The following GRB14 variants were observed in gnomAD, a reference collection of about 807,000 sequenced individuals.
The protein encoded by GRB14 is growth factor receptor bound protein 14, also known as growth factor receptor-bound protein 14.
A neutral mutation model predicts 69.1 loss-of-function variants in GRB14; 38 were observed. The ratio of observed to expected loss-of-function variants is 0.55; its 90% CI spans 0.42 to 0.72. The LOEUF (loss-of-function observed/expected upper bound fraction) is 0.72. Ranked by LOEUF, GRB14 falls within the 30% of genes least tolerant of loss-of-function variation. The probability of loss-of-function intolerance (pLI) is 0.00; values close to 1 mark genes in which losing one functional copy is unlikely to be tolerated. For synonymous variants in GRB14, 247 were observed against 241.3 expected, an observed-to-expected ratio of 1.02 and a Z score of -0.22; for missense variants, 666 against 666.1, an observed-to-expected ratio of 1.00 and a Z score of 0.00.
At chr2:164,566,309 T>G (rs544778824) in intron 2 of GRB14, among the ~76,000 whole-genome samples, 1 of 152,204 alleles carries the variant, frequency 6.6e-6, no homozygotes, top group East Asian at 1.9e-4. Context: ...ACTCCTAAAA[T>G]AAAAGACATT....
intron 2 of GRB14, among the ~76,000 whole-genome samples, chr2:164,602,997 T>TA (rs903868206): frequency 2.4e-4 from 37 of 151,106 alleles, no homozygotes; most frequent in African/African-American, 7.8e-4. Context: ...TGTACAAAAC[T>TA]AAAAAAAAAT....
At chr2:164,549,840 G>A (rs1688485786) in intron 2 of GRB14, among the ~76,000 whole-genome samples, 1 of 149,184 alleles carries the variant, frequency 6.7e-6, no homozygotes, top group Non-Finnish European at 1.5e-5. Context: ...CTCCAGCCTA[G>A]GTGACAGAGT....
chr2:164,551,831 C>T (rs1020531752), intron 2 of GRB14, among the ~76,000 whole-genome samples: 2 of 152,096 alleles, frequency 1.3e-5, no homozygotes, highest in South Asian at 2.1e-4. Flanking sequence ...GTGTCTTAGA[C>T]TGTTTTGTGC....
In GRB14 at chr2:164,619,426, C is replaced by T. The variant is rs7595723; in HGVS notation, c.324+261G>A. 1.9e-3 allele frequency among the ~76,000 whole-genome samples: 296 copies of T among 152,288 alleles called. 1 individual carries two copies. The highest frequency in any genetic ancestry group is 6.7e-3 in the African/African-American group (277 of 41,566). ...CTATCTGGTGAATGATTATTGTTCT[C>T]AACCACTGCACTTTATATATATTCT... On this transcript the variant is annotated intron_variant, in intron 2 of 13. Transcript: ENST00000263915.
intron 2 of GRB14, among the ~76,000 whole-genome samples, chr2:164,605,873 C>T (rs1690029054): frequency 1.3e-5 from 2 of 152,140 alleles, no homozygotes; most frequent in African/African-American, 4.8e-5. Context: ...ATCCAACCCT[C>T]ATGAGAGTCA....
intron 2 of GRB14, among the ~76,000 whole-genome samples, chr2:164,567,562 T>G (rs1689008302): frequency 6.6e-6 from 1 of 152,184 alleles, no homozygotes; most frequent in South Asian, 2.1e-4. Flanking sequence ...TGCGACAGAT[T>G]TGATTCTTTA....
chr2:164,562,826 C>T (rs1688866098), intron 2 of GRB14, among the ~76,000 whole-genome samples: 1 of 152,174 alleles, frequency 6.6e-6, no homozygotes, highest in South Asian at 2.1e-4. Flanking sequence ...AAGCTGAACT[C>T]AAACTCTGGG....
chr2:164,571,839 C>T (rs186786164), intron 2 of GRB14, among the ~76,000 whole-genome samples: 33 of 152,292 alleles, frequency 2.2e-4, no homozygotes, highest in African/African-American at 7.7e-4. Flanking sequence ...CTGGCTCTCT[C>T]CAAGGCACCC....
At chr2:164,513,412 A>G (rs893475752) in intron 6 of GRB14, among the ~76,000 whole-genome samples, 1 of 152,204 alleles carries the variant, frequency 6.6e-6, no homozygotes, top group Non-Finnish European at 1.5e-5. Context: ...AGATGAGATT[A>G]TCTAGGTGGG....
At chr2:164,498,026 T>C (rs1686950949) in intron 9 of GRB14, among the ~76,000 whole-genome samples, 1 of 152,154 alleles carries the variant, frequency 6.6e-6, no homozygotes, top group Admixed American at 6.5e-5. Flanking sequence ...GAAATAATAC[T>C]CATTATTTTT....
intron 2 of GRB14, among the ~76,000 whole-genome samples, chr2:164,612,778 A>G (rs1262797549): frequency 1.3e-5 from 2 of 152,198 alleles, no homozygotes; most frequent in Non-Finnish European, 2.9e-5. Flanking sequence ...CCCAGGGAAA[A>G]ACAAACCAGA....
intron 5 of GRB14, among the ~76,000 whole-genome samples, chr2:164,523,432 A>G (rs1052985065): frequency 2.0e-5 from 3 of 152,098 alleles, no homozygotes; most frequent in Admixed American, 1.3e-4. Context: ...AAAAAAGAAA[A>G]TAGAAATCCC....
At chr2:164,568,754 A>C (rs1689049363) in intron 2 of GRB14, among the ~76,000 whole-genome samples, 1 of 152,220 alleles carries the variant, frequency 6.6e-6, no homozygotes, top group South Asian at 2.1e-4. Context: ...GCATTTCAAC[A>C]TATGGCAGAT....
At chr2:164,546,128 T>C (rs1191192709) in intron 3 of GRB14, among the ~76,000 whole-genome samples, 2 of 152,174 alleles carry the variant, frequency 1.3e-5, no homozygotes, top group African/African-American at 4.8e-5. Flanking sequence ...CTAATAAAAT[T>C]ATTATGAAAT....
At chr2:164,500,077 T>C (rs1441974992) in intron 9 of GRB14, among the ~76,000 whole-genome samples, 1 of 152,110 alleles carries the variant, frequency 6.6e-6, no homozygotes, top group Non-Finnish European at 1.5e-5. Context: ...GTTTAGAATG[T>C]CTATCCTCAG....
At chr2:164,531,376 G>A (rs781706941) in intron 3 of GRB14, among the ~76,000 whole-genome samples, 7 of 152,312 alleles carry the variant, frequency 4.6e-5, no homozygotes, top group Admixed American at 1.3e-4. Context: ...ACAATTTCAA[G>A]ATATCAACAA....
At position 164,591,363 on chromosome 2, in the gene GRB14, T is replaced by C. The variant is rs756824383; in HGVS notation, c.324+28324A>G. ...AAATCTTGAAGGTCAAAAAGAAAAATTGCTATTCTCTTTCTATCCCCCAAC... is the reference window on the plus strand; with the variant it reads ...AAATCTTGAAGGTCAAAAAGAAAAACTGCTATTCTCTTTCTATCCCCCAAC... On this transcript the variant is annotated intron_variant, in intron 2 of 13. Coordinates refer to ENST00000263915, the MANE Select transcript of GRB14 (RefSeq NM_004490.3). 3.9e-5 allele frequency among the ~76,000 whole-genome samples: 6 copies of C among 152,116 alleles called. No homozygotes were observed. The South Asian group carries it at 8.3e-4, about 21-fold the overall frequency.
intron 9 of GRB14, among the ~76,000 whole-genome samples, chr2:164,499,078 C>A (rs769511436): frequency 3.4e-4 from 52 of 152,104 alleles, no homozygotes; most frequent in Non-Finnish European, 6.8e-4. Context: ...TGAAAAGCAT[C>A]CACCTGCCCA....
intron 2 of GRB14, among the ~76,000 whole-genome samples, chr2:164,589,917 C>T (rs180976461): frequency 1.1e-4 from 16 of 152,124 alleles, no homozygotes; most frequent in Admixed American, 5.2e-4. Flanking sequence ...TGGTGAGAAC[C>T]CTCATCTGGG....
Sources: allele counts gnomAD v4.1 joint callset (sites outside exome capture counted in the v4.1 genomes callset), GRCh38; gene constraint gnomAD v4.1.1; transcripts MANE v1.5; gene names NCBI Gene and HGNC (gene_info 2026-07-23, HGNC 2026-07-21).